Variants in DYRK1A observed in about 807,000 individuals in gnomAD.
DYRK1A encodes the protein dual specificity tyrosine-phosphorylation-regulated kinase 1A.
Under a neutral mutation model 79.7 loss-of-function variants are expected in DYRK1A, and 9 were observed. The observed-to-expected ratio is 0.11, with a 90% CI of 0.07 to 0.20. The LOEUF (loss-of-function observed/expected upper bound fraction) is 0.20. Among genes scored for constraint, DYRK1A ranks in the 10% least tolerant of loss-of-function variants. The probability of loss-of-function intolerance (pLI) is 1.00; values close to 1 mark genes in which losing one functional copy is unlikely to be tolerated. For synonymous variants in DYRK1A, 349 were observed against 329.7 expected (o/e 1.06, Z -0.63); for missense variants, 622 against 956.0 (o/e 0.65, Z 4.61).
intron 1 of DYRK1A, among the ~76,000 whole-genome samples, chr21:37,403,036 AT>A (rs2050081385): frequency 1.3e-5 from 2 of 152,088 alleles, no homozygotes; most frequent in Non-Finnish European, 2.9e-5. Flanking sequence ...AAGTGCTGGG[AT>A]TACAAGCGTG....
intron 1 of DYRK1A, among the ~76,000 whole-genome samples, chr21:37,373,427 T>C (rs1163959493): frequency 2.0e-5 from 3 of 152,342 alleles, no homozygotes; most frequent in South Asian, 2.1e-4. Flanking sequence ...AGCTTTCTTA[T>C]ATGTACCAGT....
In DYRK1A at chr21:37,492,821, ACAGT is replaced by A. The variant is rs527567126; in HGVS notation, c.925-192_925-189del. ...TGAATCTTTACGTATTATGCATTTC[ACAGT>A]CAGATTAACCAATCCCTCAAAATGT... On this transcript the variant is annotated intron_variant, in intron 7 of 11. Coordinates refer to ENST00000647188, the MANE Select transcript of DYRK1A (RefSeq NM_001347721.2). Among the ~76,000 whole-genome samples, 308 of 152,246 alleles carry A rather than the reference ACAGT, an allele frequency of 2.0e-3. 3 individuals are homozygous for A. Among genetic ancestry groups the A allele is most frequent in the Non-Finnish European group, 4.7e-4 (32 of 68,008 alleles).
At chr21:37,411,953 G>T (rs1001932666) in intron 1 of DYRK1A, among the ~76,000 whole-genome samples, 1 of 152,116 alleles carries the variant, frequency 6.6e-6, no homozygotes, top group African/African-American at 2.4e-5. Flanking sequence ...GTATTCCGCT[G>T]TGCCAATCTG....
At chr21:37,428,455 CTT>C (rs1037348340) in intron 2 of DYRK1A, among the ~76,000 whole-genome samples, 10 of 152,104 alleles carry the variant, frequency 6.6e-5, no homozygotes, top group African/African-American at 1.9e-4. Flanking sequence ...ATGAGTTACT[CTT>C]TGGTTTTTAT....
At chr21:37,414,139 G>A (rs1165348915) in intron 1 of DYRK1A, among the ~76,000 whole-genome samples, 6 of 152,126 alleles carry the variant, frequency 3.9e-5, no homozygotes, top group Non-Finnish European at 5.9e-5. Flanking sequence ...AATTTTATTA[G>A]GTTGGTGCAA....
chr21:37,430,591 G>A (rs1470020137), intron 2 of DYRK1A, among the ~76,000 whole-genome samples: 1 of 152,188 alleles, frequency 6.6e-6, no homozygotes. Context: ...TGCAGACTTG[G>A]TGTTTGTGGG....
chr21:37,458,541 G>GT (rs1211508437), intron 2 of DYRK1A, among the ~76,000 whole-genome samples: 1 of 152,002 alleles, frequency 6.6e-6, no homozygotes, highest in East Asian at 1.9e-4. Flanking sequence ...AGTACTTTGG[G>GT]TTTACATGGT....
At chr21:37,391,588 T>C (rs2049870972) in intron 1 of DYRK1A, among the ~76,000 whole-genome samples, 1 of 152,256 alleles carries the variant, frequency 6.6e-6, no homozygotes, top group African/African-American at 2.4e-5. Context: ...TATTATTTTT[T>C]GCAGTCCTCC....
At chr21:37,488,292 A>G (rs1349444912) in intron 6 of DYRK1A, 1 of 956,636 alleles carries the variant, frequency 1.0e-6, no homozygotes, top group African/African-American at 1.8e-5. Flanking sequence ...CTGTTTGGAA[A>G]ACAAAAGAAC....
chr21:37,434,586 CTT>C (rs2050870864), intron 2 of DYRK1A, among the ~76,000 whole-genome samples: 1 of 152,120 alleles, frequency 6.6e-6, no homozygotes, highest in Non-Finnish European at 1.5e-5. Flanking sequence ...AATGTAATGT[CTT>C]TTATTTACAG....
intron 2 of DYRK1A, among the ~76,000 whole-genome samples, chr21:37,467,589 T>C (rs1213962856): frequency 6.6e-6 from 1 of 152,144 alleles, no homozygotes; most frequent in East Asian, 1.9e-4. Flanking sequence ...ATCAACAGAG[T>C]AAATCAGAAA....
chr21:37,440,966 C>G (rs966513216), intron 2 of DYRK1A, among the ~76,000 whole-genome samples: 1 of 152,106 alleles, frequency 6.6e-6, no homozygotes, highest in African/African-American at 2.4e-5. Context: ...GATTTTCTCT[C>G]CACTTGTTCT....
intron 2 of DYRK1A, among the ~76,000 whole-genome samples, chr21:37,470,442 G>A (rs988935130): frequency 6.6e-6 from 1 of 152,122 alleles, no homozygotes; most frequent in African/African-American, 2.4e-5. Context: ...AAAGTGTTTG[G>A]TGTGTGTCAC....
intron 4 of DYRK1A, among the ~76,000 whole-genome samples, chr21:37,479,935 G>A (rs1414962118): frequency 2.1e-4 from 32 of 152,032 alleles, no homozygotes; most frequent in Admixed American, 2.1e-3. Context: ...CCCAGAATCA[G>A]TGTTAAAGAA....
At chr21:37,398,354 A>T in intron 1 of DYRK1A, among the ~76,000 whole-genome samples, 1 of 151,676 alleles carries the variant, frequency 6.6e-6, no homozygotes, top group East Asian at 1.9e-4. Context: ...AAAAAAAAAA[A>T]AATAAAAGTG....
chr21:37,471,471 C>T (rs558438265), intron 2 of DYRK1A, among the ~76,000 whole-genome samples: 10 of 152,368 alleles, frequency 6.6e-5, no homozygotes, highest in Non-Finnish European at 8.8e-5. Flanking sequence ...TGAGCCTTTA[C>T]TGCACATTGA....
intron 11 of DYRK1A, 104 bp downstream of exon 11, chr21:37,506,327 G>A (rs1402457919): frequency 6.2e-7 from 1 of 1,603,016 alleles, no homozygotes; most frequent in African/African-American, 1.3e-5. Flanking sequence ...TTACCCTAGA[G>A]GTTCATGACG....
intron 3 of DYRK1A, among the ~76,000 whole-genome samples, chr21:37,477,716 T>A (rs776025060): frequency 2.0e-5 from 3 of 152,188 alleles, no homozygotes; most frequent in Non-Finnish European, 4.4e-5. Context: ...AATGGTGCTC[T>A]GCTGCCAGCC....
chr21:37,453,304 A>G (rs754183858), intron 2 of DYRK1A, among the ~76,000 whole-genome samples: 1 of 152,178 alleles, frequency 6.6e-6, no homozygotes, highest in African/African-American at 2.4e-5. Context: ...CTACATTTCA[A>G]GTATTCAGTA....
Sources: allele counts gnomAD v4.1 joint callset (sites outside exome capture counted in the v4.1 genomes callset), GRCh38; gene constraint gnomAD v4.1.1; transcripts MANE v1.5; gene names NCBI Gene and HGNC (gene_info 2026-07-23, HGNC 2026-07-21).